CYP2J2: variants seen among roughly 807,000 people sequenced by gnomAD.
The protein encoded by CYP2J2 is cytochrome P450 2J2.
CYP2J2 carries 41 observed loss-of-function variants against 48.8 expected under a neutral mutation model. The observed-to-expected ratio is 0.84, with a 90% CI of 0.66 to 1.09. The LOEUF (loss-of-function observed/expected upper bound fraction) is 1.09. CYP2J2 is among the 50% of genes least tolerant of loss of function. The pLI, the probability that CYP2J2 is intolerant of heterozygous loss-of-function variation, is 0.00. For missense variants in CYP2J2, 644 were observed against 617.3 expected (o/e 1.04, Z -0.46); for synonymous variants, 221 against 227.1 (o/e 0.97, Z 0.24).
At chr1:59,939,390 A>G in the CYP2J2 span, among the ~76,000 whole-genome samples, 1 of 152,186 alleles carries the variant, frequency 6.6e-6, no homozygotes, top group Non-Finnish European at 1.5e-5. Context: ...TCAGGCTTAC[A>G]AGTAAAAAAC....
intron 7 of CYP2J2, among the ~76,000 whole-genome samples, chr1:59,902,434 T>TC (rs1360900802): frequency 2.0e-5 from 3 of 152,250 alleles, no homozygotes; most frequent in African/African-American, 7.2e-5. Context: ...AATAACTTTT[T>TC]TTTTTAATAC....
the CYP2J2 span, among the ~76,000 whole-genome samples, chr1:59,933,717 G>A: frequency 2.0e-5 from 3 of 151,876 alleles, no homozygotes; most frequent in Admixed American, 1.3e-4. Flanking sequence ...GCAAGACATC[G>A]CTAAAAAAAA....
chr1:59,908,006 C>T, intron 5 of CYP2J2, 79 bp from the exon 6 acceptor site: 4 of 1,391,912 alleles, frequency 2.9e-6, no homozygotes, highest in Non-Finnish European at 4.0e-6. Flanking sequence ...GGGGCTTCAT[C>T]CTAGGAGGAC....
the CYP2J2 span, among the ~76,000 whole-genome samples, chr1:59,937,104 G>T: frequency 1.3e-5 from 2 of 152,214 alleles, no homozygotes; most frequent in Non-Finnish European, 2.9e-5. Context: ...AGGTGGTTCT[G>T]TTCCACGAAC....
intron 1 of CYP2J2, among the ~76,000 whole-genome samples, chr1:59,923,089 G>A (rs976732716): frequency 3.3e-5 from 5 of 152,186 alleles, no homozygotes; most frequent in Non-Finnish European, 7.3e-5. Flanking sequence ...TCCCCTTGGA[G>A]GAGATATAGG....
chr1:59,923,309 A>G (rs1304549267), intron 1 of CYP2J2, among the ~76,000 whole-genome samples: 1 of 152,268 alleles, frequency 6.6e-6, no homozygotes, highest in African/African-American at 2.4e-5. Context: ...GCCACCCACA[A>G]AAGTGAGCAT....
chr1:59,965,156 T>C, the CYP2J2 span, among the ~76,000 whole-genome samples: 2 of 152,248 alleles, frequency 1.3e-5, no homozygotes, highest in Non-Finnish European at 2.9e-5. Context: ...AGTTTAACAG[T>C]AGCGATGTTG....
chr1:59,901,156 C>T, intron 7 of CYP2J2, 53 bp from the exon 8 acceptor site: 1 of 1,588,734 alleles, frequency 6.3e-7, no homozygotes, highest in Non-Finnish European at 8.6e-7. Flanking sequence ...AAAAGCACAC[C>T]TATGCAGAGG....
intron 1 of CYP2J2, among the ~76,000 whole-genome samples, 175 bp from the exon 2 acceptor site, chr1:59,916,275 C>T (rs1035772514): frequency 6.6e-6 from 1 of 151,780 alleles, no homozygotes; most frequent in Non-Finnish European, 1.5e-5. Context: ...CATGGGAATG[C>T]TTTTATTTCC....
chr1:59,937,229 G>A, the CYP2J2 span, among the ~76,000 whole-genome samples: 1 of 152,116 alleles, frequency 6.6e-6, no homozygotes, highest in Non-Finnish European at 1.5e-5. Flanking sequence ...CTAGTCTATT[G>A]GAAGAAAAAC....
chr1:59,929,533 G>A (rs1557433616), upstream of CYP2J2, among the ~76,000 whole-genome samples: 1 of 152,152 alleles, frequency 6.6e-6, no homozygotes. Context: ...AGTAAGGTAT[G>A]AGACAATGTC....
Position 59,893,338 on chromosome 1 carries a change from G to T in CYP2J2, c.*313C>A. The T allele has an allele frequency of 4.1e-6, 1 of 243,188 alleles. No homozygotes were observed. The allele number at this position is 243,188 out of a possible 1,614,324, so 15.1% of individuals were successfully genotyped here. A position where few individuals can be genotyped will look rare whatever the true frequency, so the allele number is the denominator to read the frequency against. Reference sequence around the variant, plus strand: ...ATAGAACTTTTATGATGTGTTTTATGGTTTACAAACCACTTAAAGCTCACC... The same window carrying T: ...ATAGAACTTTTATGATGTGTTTTATTGTTTACAAACCACTTAAAGCTCACC... On this transcript the variant is annotated 3_prime_UTR_variant, in exon 9 of 9. Transcript: ENST00000371204.
chr1:59,896,399 C>T (rs12038104), intron 8 of CYP2J2, among the ~76,000 whole-genome samples: 1 of 151,870 alleles, frequency 6.6e-6, no homozygotes, highest in East Asian at 1.9e-4. Flanking sequence ...ATTGATTCAC[C>T]TATTGAAAAT....
At chr1:59,960,168 T>C in the CYP2J2 span, among the ~76,000 whole-genome samples, 1 of 151,932 alleles carries the variant, frequency 6.6e-6, no homozygotes, top group Non-Finnish European at 1.5e-5. Context: ...TAGGGAAAAA[T>C]GGCAGGAAAG....
chr1:59,947,677 A>G, the CYP2J2 span, among the ~76,000 whole-genome samples: 1 of 152,184 alleles, frequency 6.6e-6, no homozygotes, highest in Non-Finnish European at 1.5e-5. Flanking sequence ...CATTGTCTAA[A>G]CTGACTGTAT....
the CYP2J2 span, among the ~76,000 whole-genome samples, chr1:59,960,704 A>T: frequency 6.6e-6 from 1 of 152,142 alleles, no homozygotes; most frequent in Non-Finnish European, 1.5e-5. Flanking sequence ...TTAGCTGGGC[A>T]TGGTGGCAGA....
chr1:59,926,897 G>A (rs993305183), upstream of CYP2J2: 4 of 682,522 alleles, frequency 5.9e-6, no homozygotes, highest in African/African-American at 5.4e-5. Flanking sequence ...TGGATTCCCG[G>A]GAGGACACGC....
chr1:59,927,776 T>TTGGTCAGACCTA (rs1644580852), upstream of CYP2J2, among the ~76,000 whole-genome samples: 1 of 152,144 alleles, frequency 6.6e-6, no homozygotes, highest in Non-Finnish European at 1.5e-5. Context: ...TTTCGCCGTG[T>TTGGTCAGACCTA]TGGTCAGGCT....
At chr1:59,917,830 T>TC (rs1420815991) in intron 1 of CYP2J2, among the ~76,000 whole-genome samples, 1 of 152,194 alleles carries the variant, frequency 6.6e-6, no homozygotes, top group Non-Finnish European at 1.5e-5. Context: ...GTGGTAACAA[T>TC]CCGAAGGGCT....
Sources: gnomAD v4.1 joint callset for allele counts (sites outside exome capture counted in the v4.1 genomes callset) on GRCh38, gnomAD v4.1.1 for gene constraint, MANE v1.5 for transcripts, NCBI Gene and HGNC (gene_info 2026-07-23, HGNC 2026-07-21) for gene names.